Variants in WWOX observed in about 807,000 individuals in gnomAD.
WWOX encodes the protein WW domain-containing oxidoreductase.
In WWOX, 69 loss-of-function variants were observed where a neutral mutation model predicts 46.2. The ratio of observed to expected loss-of-function variants is 1.49; its 90% CI spans 1.23 to 1.82. WWOX has a LOEUF of 1.82. Among genes scored for constraint, WWOX ranks in the 40% most tolerant of loss-of-function variants. The pLI, the probability that WWOX is intolerant of heterozygous loss-of-function variation, is 0.00. For missense variants in WWOX, 919 were observed against 542.6 expected (o/e 1.69, Z -6.89); for synonymous variants, 359 against 202.6 (o/e 1.77, Z -6.56).
intron 8 of WWOX, among the ~76,000 whole-genome samples, chr16:78,630,287 C>T (rs947394217): frequency 1.3e-5 from 2 of 152,140 alleles, no homozygotes; most frequent in African/African-American, 4.8e-5. Context: ...CTGTCGCAAG[C>T]TTGGCTCTTG....
chr16:78,995,863 T>C (rs2046978675), intron 8 of WWOX, among the ~76,000 whole-genome samples: 1 of 152,180 alleles, frequency 6.6e-6, no homozygotes, highest in Admixed American at 6.5e-5. Flanking sequence ...TTGCAGTAGG[T>C]TTTGGAGATT....
At chr16:78,722,949 G>A (rs2048729737) in intron 8 of WWOX, among the ~76,000 whole-genome samples, 1 of 152,132 alleles carries the variant, frequency 6.6e-6, no homozygotes, top group Admixed American at 6.6e-5. Context: ...GGCTGAGGCA[G>A]GAAGATTGCT....
chr16:78,348,647 G>A lies in WWOX; in HGVS notation c.517-38213G>A, dbSNP rs1387742408. On this transcript the variant is annotated intron_variant, in intron 5 of 8. Coordinates refer to ENST00000566780, the MANE Select transcript of WWOX (RefSeq NM_016373.4). The stretch of plus-strand genomic sequence containing the variant: ...TAATTACTACATTTTCTGTAGAGAC[G>A]GGCTTTCCCCATGTTGCCCAGGCTG... Among the ~76,000 whole-genome samples the A allele has an allele frequency of 1.7e-5, 2 of 118,572 alleles. 1 individual carries two copies. Among genetic ancestry groups the A allele is most frequent in the African/African-American group, 5.7e-5 (2 of 34,868 alleles). 77.8% of individuals were successfully genotyped at this position (118,572 alleles called of 152,430 possible). A position where few individuals can be genotyped will look rare whatever the true frequency, so the allele number is the denominator to read the frequency against.
intron 8 of WWOX, among the ~76,000 whole-genome samples, chr16:78,760,144 G>A (rs543432619): frequency 2.3e-4 from 35 of 152,276 alleles, no homozygotes; most frequent in Middle Eastern, 3.4e-3. Flanking sequence ...CAGTCATGGC[G>A]GAAGGCAAAA....
At chr16:79,003,529 G>GA (rs2047134797) in intron 8 of WWOX, among the ~76,000 whole-genome samples, 1 of 152,186 alleles carries the variant, frequency 6.6e-6, no homozygotes, top group African/African-American at 2.4e-5. Context: ...GGTTTGGCTG[G>GA]TTGAGTCTCC....
intron 8 of WWOX, among the ~76,000 whole-genome samples, chr16:78,730,904 G>C (rs530298238): frequency 1.3e-5 from 2 of 152,098 alleles, no homozygotes; most frequent in African/African-American, 4.8e-5. Flanking sequence ...AAACTGAGTA[G>C]TGATTTAAAA....
At chr16:78,850,154 G>A (rs558824319) in intron 8 of WWOX, among the ~76,000 whole-genome samples, 29 of 151,772 alleles carry the variant, frequency 1.9e-4, no homozygotes, top group East Asian at 9.7e-4. Context: ...GTGTGTGTGA[G>A]TGTGTGTGAG....
At chr16:78,458,045 C>G (rs779101865) in intron 8 of WWOX, among the ~76,000 whole-genome samples, 2 of 143,794 alleles carry the variant, frequency 1.4e-5, no homozygotes, top group South Asian at 2.2e-4. Context: ...CCACTGCACT[C>G]CAGCCTGGGT....
chr16:78,564,206 C>G (rs2044508793), intron 8 of WWOX, among the ~76,000 whole-genome samples: 2 of 152,202 alleles, frequency 1.3e-5, no homozygotes, highest in African/African-American at 2.4e-5. Context: ...TTTATAGCCA[C>G]TAATATTTGT....
intron 8 of WWOX, among the ~76,000 whole-genome samples, chr16:78,709,570 G>C (rs1347328535): frequency 6.6e-6 from 1 of 152,106 alleles, no homozygotes; most frequent in Non-Finnish European, 1.5e-5. Flanking sequence ...TTGCCTGTCT[G>C]CACTGCCCTG....
At chr16:78,176,611 G>C (rs2035355394) in intron 5 of WWOX, among the ~76,000 whole-genome samples, 1 of 152,132 alleles carries the variant, frequency 6.6e-6, no homozygotes. Context: ...TTTGATTATT[G>C]CACTAATATT....
chr16:78,293,554 TTTC>T (rs759712197), intron 5 of WWOX, among the ~76,000 whole-genome samples: 4 of 152,180 alleles, frequency 2.6e-5, no homozygotes, highest in African/African-American at 4.8e-5. Flanking sequence ...TTGGAGGTTC[TTTC>T]CCCTCCCGTG....
At chr16:78,694,914 T>C (rs762885080) in intron 8 of WWOX, among the ~76,000 whole-genome samples, 15 of 152,160 alleles carry the variant, frequency 9.9e-5, no homozygotes, top group African/African-American at 3.1e-4. Context: ...AGGTAGGTCC[T>C]TCAGTTTCCC....
chr16:78,689,764 T>TC (rs1379383003), intron 8 of WWOX, among the ~76,000 whole-genome samples: 1 of 152,216 alleles, frequency 6.6e-6, no homozygotes, highest in African/African-American at 2.4e-5. Flanking sequence ...CCTATCTCTC[T>TC]CCCCTATTGC....
chr16:78,474,531 G>A (rs1460234850), intron 8 of WWOX, among the ~76,000 whole-genome samples: 2 of 152,160 alleles, frequency 1.3e-5, no homozygotes, highest in South Asian at 4.1e-4. Context: ...TAAAGCTGCT[G>A]TTACTCAAAC....
intron 8 of WWOX, among the ~76,000 whole-genome samples, chr16:78,844,130 A>T (rs772252296): frequency 6.6e-6 from 1 of 152,082 alleles, no homozygotes; most frequent in Non-Finnish European, 1.5e-5. Context: ...CTGTGGTTGA[A>T]ATCTATCGTA....
chr16:78,500,963 G>A (rs1416739091), intron 8 of WWOX, among the ~76,000 whole-genome samples: 1 of 152,142 alleles, frequency 6.6e-6, no homozygotes, highest in Non-Finnish European at 1.5e-5. Flanking sequence ...AGGTCTGCTG[G>A]TGTTTAGCTT....
At chr16:78,729,948 C>G (rs2048929660) in intron 8 of WWOX, among the ~76,000 whole-genome samples, 1 of 152,128 alleles carries the variant, frequency 6.6e-6, no homozygotes. Flanking sequence ...AGATCCAGAG[C>G]AATCGAAGGT....
intron 5 of WWOX, among the ~76,000 whole-genome samples, chr16:78,382,432 T>C (rs905185300): frequency 2.0e-5 from 3 of 152,334 alleles, no homozygotes; most frequent in African/African-American, 7.2e-5. Flanking sequence ...CTGGGCCCAC[T>C]GACCTACAAT....
Sources: gnomAD v4.1 joint callset for allele counts (sites outside exome capture counted in the v4.1 genomes callset) on GRCh38, gnomAD v4.1.1 for gene constraint, MANE v1.5 for transcripts, NCBI Gene and HGNC (gene_info 2026-07-23, HGNC 2026-07-21) for gene names.